TMCO4: variants seen among roughly 807,000 people sequenced by gnomAD.
TMCO4 encodes transmembrane and coiled-coil domain-containing protein 4.
TMCO4 carries 58 observed loss-of-function variants against 64.7 expected under a neutral mutation model. The ratio of observed to expected loss-of-function variants is 0.90; its 90% confidence interval spans 0.73 to 1.12. The LOEUF is 1.12. Among genes scored for constraint, TMCO4 ranks in the 50% most tolerant of loss-of-function variants. TMCO4 has a pLI of 0.00. For synonymous variants in TMCO4, 325 were observed against 346.1 expected (o/e 0.94, Z 0.68); for missense variants, 780 against 825.9 (o/e 0.94, Z 0.68).
At chr1:19,781,144 CAAAAA>C (rs535767635) in intron 3 of TMCO4, among the ~76,000 whole-genome samples, 2 of 52,614 alleles carry the variant, frequency 3.8e-5, no homozygotes, top group South Asian at 6.9e-4. Flanking sequence ...GACTCCATCT[CAAAAA>C]AAAAAAAAAA....
chr1:19,775,861 T>C (rs956025099), intron 4 of TMCO4, among the ~76,000 whole-genome samples: 1 of 152,260 alleles, frequency 6.6e-6, no homozygotes, highest in Admixed American at 6.5e-5. Context: ...TAAAGATTAC[T>C]AAAACCAAGA....
At chr1:19,747,021 C>T in intron 8 of TMCO4, 142 bp downstream of exon 8, 1 of 791,794 alleles carries the variant, frequency 1.3e-6, no homozygotes, top group Non-Finnish European at 2.1e-6. Context: ...GATGAGCACA[C>T]CGACTACTCA....
In TMCO4 at chr1:19,700,845, C is replaced by G; in HGVS notation, c.1305G>C (p.Ala435=). ...GIIEDVILLG[A]PVEGEAKHWE... ...AATGCTTGGCTTCTCCCTCCACAGG[C>G]GCACCCAGCAGGATGACGTCCTCGA... is the stretch of plus-strand genomic sequence containing the variant. The change falls in exon 14 of 16, where the codon GCG becomes GCC. Residue 435 remains alanine, a synonymous_variant. Coordinates refer to ENST00000294543, the MANE Select transcript of TMCO4 (RefSeq NM_181719.7). 6.2e-7 allele frequency: 1 copy of G among 1,614,228 alleles called. No homozygotes were observed. The highest frequency in any genetic ancestry group is 1.6e-4 in the Middle Eastern group (1 of 6,062).
chr1:19,775,366 C>G (rs548239220), intron 4 of TMCO4, among the ~76,000 whole-genome samples: 1 of 152,170 alleles, frequency 6.6e-6, no homozygotes, highest in Non-Finnish European at 1.5e-5. Flanking sequence ...CATGAGGCAC[C>G]GCGCCTGGCC....
chr1:19,746,719 T>G, intron 8 of TMCO4, 120 bp from the exon 9 acceptor site: 1 of 1,250,198 alleles, frequency 8.0e-7, no homozygotes, highest in Non-Finnish European at 1.1e-6. Context: ...GGTCAGGAGA[T>G]CGAGACTATC....
intron 2 of TMCO4, among the ~76,000 whole-genome samples, chr1:19,788,696 T>C (rs2043866629): frequency 6.6e-6 from 1 of 152,110 alleles, no homozygotes; most frequent in Non-Finnish European, 1.5e-5. Context: ...AATTAGCAAA[T>C]GCTACAAATC....
chr1:19,775,955 G>A (rs1391182365), intron 4 of TMCO4, among the ~76,000 whole-genome samples: 1 of 152,012 alleles, frequency 6.6e-6, no homozygotes, highest in Non-Finnish European at 1.5e-5. Flanking sequence ...TCGCTCTGTC[G>A]CCCAGGCTGT....
chr1:19,703,495 CTCCTTTCTT>C (rs1160460746), intron 13 of TMCO4, among the ~76,000 whole-genome samples: 1 of 150,526 alleles, frequency 6.6e-6, no homozygotes, highest in East Asian at 1.9e-4. Flanking sequence ...CCCTCCTTCT[CTCCTTTCTT>C]TCCTTTCTCC....
At chr1:19,777,705 G>A (rs2043272263) in intron 4 of TMCO4, among the ~76,000 whole-genome samples, 1 of 152,054 alleles carries the variant, frequency 6.6e-6, no homozygotes, top group Admixed American at 6.6e-5. Flanking sequence ...CTTGTTAAGT[G>A]AAAAAAACAA....
At chr1:19,705,935 C>G (rs149203014) in intron 13 of TMCO4, among the ~76,000 whole-genome samples, 165 of 152,268 alleles carry the variant, frequency 1.1e-3, no homozygotes, top group Non-Finnish European at 1.7e-3. Context: ...GGGTCTCCCT[C>G]TGTTGCCCAG....
chr1:19,799,759 G>C (rs1287742797), intron 1 of TMCO4, 96 bp downstream of exon 1: 1 of 152,150 alleles, frequency 6.6e-6, no homozygotes, highest in Non-Finnish European at 1.5e-5. Context: ...CCCCGGGGCT[G>C]GGCCGGGCTC....
chr1:19,760,226 C>G (rs1203237051), intron 6 of TMCO4, among the ~76,000 whole-genome samples: 2 of 151,996 alleles, frequency 1.3e-5, no homozygotes, highest in African/African-American at 4.8e-5. Flanking sequence ...GTCTCAAACT[C>G]CTAGCCTCAA....
At chr1:19,780,559 C>G in intron 4 of TMCO4, 21 bp downstream of exon 4, 1 of 1,572,346 alleles carries the variant, frequency 6.4e-7, no homozygotes, top group Non-Finnish European at 8.6e-7. Flanking sequence ...GACCTTCCCA[C>G]TGCAAGACAG....
intron 13 of TMCO4, among the ~76,000 whole-genome samples, chr1:19,736,538 C>A (rs1032351021): frequency 1.3e-5 from 2 of 152,166 alleles, no homozygotes; most frequent in African/African-American, 4.8e-5. Context: ...AGGAGGTGAG[C>A]CCATGTTCCA....
At chr1:19,700,645 G>A (rs773786188) in intron 14 of TMCO4, 123 bp downstream of exon 14, 139 of 945,936 alleles carry the variant, frequency 1.5e-4, no homozygotes, top group Middle Eastern at 2.2e-4. Flanking sequence ...GTGCCCGGCC[G>A]GTTCCTGGGA....
intron 13 of TMCO4, among the ~76,000 whole-genome samples, chr1:19,717,578 AG>A (rs1281205801): frequency 2.0e-5 from 3 of 152,214 alleles, no homozygotes; most frequent in Non-Finnish European, 4.4e-5. Flanking sequence ...ACTTCCTGGC[AG>A]AAACCTTGGC....
intron 13 of TMCO4, among the ~76,000 whole-genome samples, chr1:19,712,161 G>A (rs2095333613): frequency 6.6e-6 from 1 of 152,188 alleles, no homozygotes; most frequent in African/African-American, 2.4e-5. Flanking sequence ...GAATAGGAAG[G>A]CTGGAGGAGA....
At chr1:19,700,470 C>A (rs2095264483) in intron 14 of TMCO4, among the ~76,000 whole-genome samples, 1 of 152,186 alleles carries the variant, frequency 6.6e-6, no homozygotes, top group Admixed American at 6.5e-5. Context: ...GTCCCTTCCC[C>A]CAGCTCCAAC....
At chr1:19,738,848 T>C (rs2095467139) in intron 12 of TMCO4, among the ~76,000 whole-genome samples, 1 of 152,244 alleles carries the variant, frequency 6.6e-6, no homozygotes, top group Non-Finnish European at 1.5e-5. Context: ...ATTTCCCAGC[T>C]TCTGTGGCAG....
Sources: gnomAD v4.1 joint callset for allele counts (sites outside exome capture counted in the v4.1 genomes callset) on GRCh38, gnomAD v4.1.1 for gene constraint, MANE v1.5 for transcripts, NCBI Gene and HGNC (gene_info 2026-07-23, HGNC 2026-07-21) for gene names.